IQCJ: variants seen among roughly 807,000 people sequenced by gnomAD.
IQCJ encodes the protein IQ motif containing J.
A neutral mutation model predicts 11.0 loss-of-function variants in IQCJ; 9 were observed. The observed-to-expected ratio is 0.82, with a 90% CI of 0.49 to 1.43. IQCJ has a LOEUF of 1.43. Ranked by LOEUF, IQCJ falls within the 40% of genes most tolerant of loss-of-function variation. The pLI is 0.00. For missense variants in IQCJ, 146 were observed against 133.2 expected, an observed-to-expected ratio of 1.10 and a Z score of -0.47; for synonymous variants, 55 against 51.3, an observed-to-expected ratio of 1.07 and a Z score of -0.31.
intron 1 of IQCJ, among the ~76,000 whole-genome samples, chr3:159,194,314 G>T (rs572241882): frequency 6.6e-6 from 1 of 152,154 alleles, no homozygotes; most frequent in Non-Finnish European, 1.5e-5. Context: ...CGTCTATCTT[G>T]CCCTGGAGAC....
intron 1 of IQCJ, among the ~76,000 whole-genome samples, chr3:159,121,292 C>T (rs1342516637): frequency 6.6e-6 from 1 of 151,872 alleles, no homozygotes; most frequent in Non-Finnish European, 1.5e-5. Flanking sequence ...CATTACCATG[C>T]CCGGCTAATC....
At chr3:159,133,271 A>G (rs538984072) in intron 1 of IQCJ, among the ~76,000 whole-genome samples, 1 of 152,328 alleles carries the variant, frequency 6.6e-6, no homozygotes, top group East Asian at 1.9e-4. Context: ...CACAAATGAA[A>G]TTAATAAATA....
At chr3:159,251,556 A>G (rs934138316) in intron 2 of IQCJ, among the ~76,000 whole-genome samples, 2 of 152,090 alleles carry the variant, frequency 1.3e-5, no homozygotes, top group African/African-American at 4.8e-5. Context: ...AGTTTCAAAT[A>G]TAATTCAAAA....
intron 2 of IQCJ, among the ~76,000 whole-genome samples, chr3:159,250,427 A>G (rs1286959315): frequency 6.6e-6 from 1 of 152,180 alleles, no homozygotes; most frequent in East Asian, 1.9e-4. Flanking sequence ...TATATAATAT[A>G]TAGAATTATA....
intron 2 of IQCJ, among the ~76,000 whole-genome samples, chr3:159,247,004 C>T (rs190788683): frequency 5.0e-4 from 76 of 152,278 alleles, no homozygotes; most frequent in Non-Finnish European, 9.9e-4. Context: ...TTTCCTCACT[C>T]ATTATAAGGA....
At chr3:159,195,928 G>A (rs1160895757) in intron 1 of IQCJ, among the ~76,000 whole-genome samples, 1 of 152,152 alleles carries the variant, frequency 6.6e-6, no homozygotes, top group Non-Finnish European at 1.5e-5. Context: ...AACACCCAAT[G>A]GTGACAATCA....
At chr3:159,253,340 C>T (rs760654721) in intron 3 of IQCJ, among the ~76,000 whole-genome samples, 3 of 152,100 alleles carry the variant, frequency 2.0e-5, no homozygotes, top group Non-Finnish European at 2.9e-5. Context: ...ATGACTATTA[C>T]CTTAAAATAG....
chr3:159,192,482 A>G (rs370608200), intron 1 of IQCJ, among the ~76,000 whole-genome samples: 6 of 152,168 alleles, frequency 3.9e-5, no homozygotes, highest in East Asian at 3.9e-4. Context: ...AGAGGTAGAA[A>G]TTGAACTGTG....
At chr3:159,086,340 T>A (rs576599974) in intron 1 of IQCJ, among the ~76,000 whole-genome samples, 38 of 152,320 alleles carry the variant, frequency 2.5e-4, no homozygotes, top group Admixed American at 1.1e-3. Flanking sequence ...TAGTTTGAAG[T>A]CAGGTAGTGT....
chr3:159,128,568 C>T (rs1226099748), intron 1 of IQCJ, among the ~76,000 whole-genome samples: 2 of 152,160 alleles, frequency 1.3e-5, no homozygotes, highest in African/African-American at 4.8e-5. Flanking sequence ...TTTTGTAGTG[C>T]TGATACGCAT....
Position 159,116,614 on chromosome 3 carries a change from G to GTA in IQCJ, c.9+47228_9+47229dup, listed in dbSNP as rs57810703. Among the ~76,000 whole-genome samples the GTA allele has an allele frequency of 2.7e-3, 157 of 57,634 alleles. 6 individuals are homozygous for GTA. The highest frequency in any genetic ancestry group is 3.6e-3 in the Non-Finnish European group (102 of 28,534). 37.8% of individuals were successfully genotyped at this position (57,634 alleles called of 152,430 possible). A position where few individuals can be genotyped will look rare whatever the true frequency, so the allele number is the denominator to read the frequency against. ...TTCTATTTTAGCATCCTGCTCATAT[G>GTA]TATATATATATATATATATATATAT... On this transcript the variant is annotated intron_variant, in intron 1 of 3. Transcript: ENST00000397832.
intron 1 of IQCJ, among the ~76,000 whole-genome samples, chr3:159,169,279 C>CTTTTTTTTTTTTTTTTTTTT (rs141888128): frequency 3.5e-5 from 2 of 56,402 alleles, no homozygotes; most frequent in Non-Finnish European, 6.2e-5. Context: ...TTCTTTCTTT[C>CTTTTTTTTTTTTTTTTTTTT]TTTTTTTTTT....
chr3:159,262,566 A>G lies in IQCJ; in HGVS notation c.174A>G (p.Arg58=). The G allele has an allele frequency of 6.2e-7, 1 of 1,613,648 alleles. No homozygotes were observed. Among genetic ancestry groups the G allele is most frequent in the Non-Finnish European group, 8.5e-7 (1 of 1,179,688 alleles). Residue 58 remains arginine (R), a synonymous_variant, in exon 4 of 4, where the codon CGA becomes CGG. Transcript: ENST00000397832. The stretch of plus-strand genomic sequence containing the variant: ...TTTTCAGCATTCAGCGAGCATGGCG[A>G]GAGTACCTGCAGCGGCAGGAGCCCC... The part of the protein sequence containing the change: ...SKVKIIQRAW[R]EYLQRQEPLG...
intron 1 of IQCJ, among the ~76,000 whole-genome samples, chr3:159,226,456 A>G (rs1187105012): frequency 6.6e-6 from 1 of 152,230 alleles, no homozygotes; most frequent in Non-Finnish European, 1.5e-5. Context: ...CACTCAGGAA[A>G]TGATGAGAGT....
intron 1 of IQCJ, among the ~76,000 whole-genome samples, chr3:159,220,394 A>G (rs1426788806): frequency 6.6e-6 from 1 of 152,130 alleles, no homozygotes; most frequent in African/African-American, 2.4e-5. Context: ...TCCTAATAAG[A>G]AGAGGAGGAA....
intron 1 of IQCJ, among the ~76,000 whole-genome samples, chr3:159,070,365 C>G (rs1211734656): frequency 6.6e-6 from 1 of 152,044 alleles, no homozygotes; most frequent in Non-Finnish European, 1.5e-5. Context: ...TTGGGACTTG[C>G]TCTTCTAGTT....
intron 3 of IQCJ, among the ~76,000 whole-genome samples, chr3:159,261,164 C>T (rs555409067): frequency 1.3e-5 from 2 of 152,278 alleles, no homozygotes; most frequent in East Asian, 3.9e-4. Flanking sequence ...TCAGAAACAA[C>T]TTTAATGACA....
At chr3:159,174,418 T>C (rs1722661563) in intron 1 of IQCJ, among the ~76,000 whole-genome samples, 1 of 152,144 alleles carries the variant, frequency 6.6e-6, no homozygotes, top group Non-Finnish European at 1.5e-5. Context: ...AAAATTAATG[T>C]ACACAGGAGC....
In IQCJ at chr3:159,256,194, T is replaced by G. The variant is rs780586124; in HGVS notation, c.155+3387T>G. ...ATCCCCTTCCATACATTTTTAACAATGTATTTACTTTGTGATGGAACAACA... is the reference window on the plus strand; with the variant it reads ...ATCCCCTTCCATACATTTTTAACAAGGTATTTACTTTGTGATGGAACAACA... On this transcript the variant is annotated intron_variant, in intron 3 of 3. Transcript: ENST00000397832. Among the ~76,000 whole-genome samples, 63 of 152,350 alleles carry G rather than the reference T, an allele frequency of 4.1e-4. 2 individuals carry two copies. Among genetic ancestry groups the G allele is most frequent in the Non-Finnish European group, 2.4e-4 (16 of 68,032 alleles).
Sources: allele counts gnomAD v4.1 joint callset (sites outside exome capture counted in the v4.1 genomes callset), GRCh38; gene constraint gnomAD v4.1.1; transcripts MANE v1.5; gene names NCBI Gene and HGNC (gene_info 2026-07-23, HGNC 2026-07-21).